Variants in ACYP2 observed in about 807,000 individuals in gnomAD.
ACYP2 encodes the protein acylphosphatase-2.
In ACYP2, 12 loss-of-function variants were observed where a neutral mutation model predicts 11.2. The ratio of observed to expected loss-of-function variants is 1.08; its 90% CI spans 0.69 to 1.74. The LOEUF is 1.74. Ranked by LOEUF, ACYP2 falls within the 40% of genes most tolerant of loss-of-function variation. ACYP2 has a pLI of 0.00. For synonymous variants in ACYP2, 43 were observed against 32.2 expected (o/e 1.33, Z -1.13); for missense variants, 134 against 101.9 (o/e 1.31, Z -1.35).
chr2:54,192,470 G>T (rs1684278025), intron 6 of ACYP2, among the ~76,000 whole-genome samples: 1 of 152,050 alleles, frequency 6.6e-6, no homozygotes, highest in Admixed American at 6.6e-5. Flanking sequence ...AAATCCGAAA[G>T]TCTGAGCACT....
intron 6 of ACYP2, among the ~76,000 whole-genome samples, chr2:54,139,106 G>A (rs530999383): frequency 6.6e-6 from 1 of 152,198 alleles, no homozygotes; most frequent in Non-Finnish European, 1.5e-5. Context: ...TTTAGGAATG[G>A]ACTTCCCACT....
chr2:54,069,960 G>A lies in ACYP2; in HGVS notation c.277+12600G>A, dbSNP rs188004786. Among the ~76,000 whole-genome samples, 397 of 152,138 alleles carry A rather than the reference G, an allele frequency of 2.6e-3. 1 individual carries two copies. Among genetic ancestry groups the A allele is most frequent in the African/African-American group, 7.9e-3 (328 of 41,516 alleles). ...TCTGGCATAAGTTAAATCTCAAGAT[G>A]TTTTACTTCTTAAGAAAAAATACAT... On this transcript the variant is annotated intron_variant, in intron 4 of 6. Coordinates refer to ENST00000607452, the MANE Select transcript of ACYP2 (RefSeq NM_001320586.2).
intron 2 of ACYP2, among the ~76,000 whole-genome samples, chr2:54,041,405 G>T (rs1675219969): frequency 6.6e-6 from 1 of 152,168 alleles, no homozygotes; most frequent in Admixed American, 6.5e-5. Flanking sequence ...AGAATGATGA[G>T]GGGAGGTGAG....
At chr2:54,131,350 C>G (rs1052488009) in intron 4 of ACYP2, among the ~76,000 whole-genome samples, 6 of 152,168 alleles carry the variant, frequency 3.9e-5, no homozygotes, top group Admixed American at 2.6e-4. Flanking sequence ...TCTTTGTCAT[C>G]ATCAATGAAT....
At chr2:54,014,960 A>C (rs1240860756) in intron 2 of ACYP2, among the ~76,000 whole-genome samples, 6 of 152,010 alleles carry the variant, frequency 3.9e-5, no homozygotes, top group Non-Finnish European at 8.8e-5. Context: ...TTTCTACTTC[A>C]ATATTATATT....
intron 2 of ACYP2, among the ~76,000 whole-genome samples, chr2:54,031,572 G>C (rs949168781): frequency 5.9e-5 from 9 of 152,106 alleles, no homozygotes; most frequent in Non-Finnish European, 1.3e-4. Flanking sequence ...TGTGAATAGT[G>C]CCGCAATAAA....
chr2:54,216,685 ACAC>A (rs1270993671), intron 6 of ACYP2, among the ~76,000 whole-genome samples: 2 of 152,000 alleles, frequency 1.3e-5, no homozygotes, highest in African/African-American at 2.4e-5. Flanking sequence ...CTACAGACAC[ACAC>A]CACCACACCT....
intron 6 of ACYP2, among the ~76,000 whole-genome samples, chr2:54,140,074 A>G (rs1409450560): frequency 2.0e-5 from 3 of 152,180 alleles, no homozygotes; most frequent in Non-Finnish European, 4.4e-5. Flanking sequence ...CAAATTGAAA[A>G]GTGGGGTCCA....
chr2:54,263,041 A>C (rs1298277236), intron 6 of ACYP2, among the ~76,000 whole-genome samples: 4 of 152,190 alleles, frequency 2.6e-5, no homozygotes, highest in African/African-American at 9.7e-5. Flanking sequence ...CAAGGTAGTG[A>C]GACCCTGTGT....
At chr2:54,139,754 A>G (rs1234060846) in intron 6 of ACYP2, among the ~76,000 whole-genome samples, 2 of 152,324 alleles carry the variant, frequency 1.3e-5, no homozygotes, top group East Asian at 3.9e-4. Context: ...GAAGTAACGT[A>G]ACACTGAGAA....
intron 4 of ACYP2, among the ~76,000 whole-genome samples, chr2:54,099,877 C>A (rs1361799603): frequency 6.6e-6 from 1 of 152,108 alleles, no homozygotes; most frequent in Non-Finnish European, 1.5e-5. Context: ...ATACAGTTTT[C>A]CATAATGGTT....
chr2:54,211,132 G>A (rs969162465), intron 6 of ACYP2, among the ~76,000 whole-genome samples: 11 of 152,098 alleles, frequency 7.2e-5, no homozygotes, highest in Non-Finnish European at 1.5e-4. Context: ...TCTGAAAGAC[G>A]CAGACTATCT....
intron 6 of ACYP2, among the ~76,000 whole-genome samples, chr2:54,155,013 T>A (rs879082208): frequency 2.0e-5 from 3 of 152,188 alleles, no homozygotes; most frequent in Admixed American, 2.0e-4. Context: ...ATTGGTAGGT[T>A]ATATGTGGTA....
intron 2 of ACYP2, among the ~76,000 whole-genome samples, chr2:54,025,316 C>G (rs1351354052): frequency 6.6e-6 from 1 of 152,162 alleles, no homozygotes; most frequent in Non-Finnish European, 1.5e-5. Flanking sequence ...CATCACATTA[C>G]CTGACTTTAA....
intron 6 of ACYP2, among the ~76,000 whole-genome samples, chr2:54,280,612 T>C (rs1474964072): frequency 6.6e-6 from 1 of 152,136 alleles, no homozygotes; most frequent in South Asian, 2.1e-4. Flanking sequence ...AAAAGGGTAG[T>C]GTCCCAAAAG....
intron 3 of ACYP2, chr2:54,051,176 C>T (rs760280478): frequency 4.9e-5 from 35 of 713,706 alleles, no homozygotes; most frequent in Middle Eastern, 3.9e-4. Context: ...AGGCATTGGG[C>T]GACTCTGCCT....
intron 2 of ACYP2, among the ~76,000 whole-genome samples, chr2:54,004,978 C>G (rs1672991614): frequency 6.6e-6 from 1 of 151,132 alleles, no homozygotes. Flanking sequence ...AGTCTTCTAT[C>G]AGACATGTCT....
chr2:53,978,885 T>G (rs1159649451), intron 2 of ACYP2, among the ~76,000 whole-genome samples: 1 of 152,134 alleles, frequency 6.6e-6, no homozygotes, highest in Non-Finnish European at 1.5e-5. Context: ...ATCGTGCCAC[T>G]GCACTCCAGC....
At chr2:54,150,935 G>A (rs1377526368) in intron 6 of ACYP2, among the ~76,000 whole-genome samples, 2 of 149,654 alleles carry the variant, frequency 1.3e-5, no homozygotes, top group Non-Finnish European at 3.0e-5. Context: ...TAGAGACGGG[G>A]TTTCACTGTT....
Sources: gnomAD v4.1 joint callset for allele counts (sites outside exome capture counted in the v4.1 genomes callset) on GRCh38, gnomAD v4.1.1 for gene constraint, MANE v1.5 for transcripts, NCBI Gene and HGNC (gene_info 2026-07-23, HGNC 2026-07-21) for gene names.